Variants in RAP1GAP2 observed in about 807,000 individuals in gnomAD.
RAP1GAP2 encodes RAP1 GTPase activating protein 2.
A neutral mutation model predicts 95.0 loss-of-function variants in RAP1GAP2; 27 were observed. That is an observed-to-expected ratio of 0.28 (90% CI 0.21 to 0.39). The LOEUF (loss-of-function observed/expected upper bound fraction) is 0.39. Ranked by LOEUF, RAP1GAP2 falls within the 10% of genes least tolerant of loss-of-function variation. RAP1GAP2 has a pLI of 1.00. For missense variants in RAP1GAP2, 771 were observed against 970.0 expected (o/e 0.79, Z 2.72); for synonymous variants, 373 against 380.9 (o/e 0.98, Z 0.24).
At chr17:2,970,133 G>T (rs1324718808) in intron 8 of RAP1GAP2, among the ~76,000 whole-genome samples, 1 of 151,766 alleles carries the variant, frequency 6.6e-6, no homozygotes, top group Non-Finnish European at 1.5e-5. Context: ...AATTAGCCGG[G>T]CGTGGTGACA....
intron 3 of RAP1GAP2, among the ~76,000 whole-genome samples, chr17:2,910,860 C>A (rs866026836): frequency 6.6e-6 from 1 of 152,102 alleles, no homozygotes; most frequent in Admixed American, 6.6e-5. Flanking sequence ...CACCACACCC[C>A]GCTAATTTTT....
chr17:3,001,518 CCGGAGAAGGGACAGAAGAAGCAGGGAG>C (rs2046158380), intron 14 of RAP1GAP2, among the ~76,000 whole-genome samples: 1 of 93,016 alleles, frequency 1.1e-5, no homozygotes, highest in African/African-American at 4.7e-5. Context: ...CTTCCTGATG[CCGGAGAAGGGACAGAAGAAGCAGGGAG>C]TGCAGGTCCA....
intron 17 of RAP1GAP2, among the ~76,000 whole-genome samples, chr17:3,012,603 C>A (rs1409633930): frequency 2.8e-5 from 1 of 35,506 alleles, no homozygotes; most frequent in Non-Finnish European, 4.5e-5. Context: ...CAGACTGTGT[C>A]TCAAAAAAAA....
intron 2 of RAP1GAP2, among the ~76,000 whole-genome samples, chr17:2,806,195 A>G (rs1313699797): frequency 6.6e-6 from 1 of 152,082 alleles, no homozygotes; most frequent in Non-Finnish European, 1.5e-5. Flanking sequence ...TTCAGATTTA[A>G]CCAGCTAAGA....
intron 2 of RAP1GAP2, among the ~76,000 whole-genome samples, chr17:2,813,017 A>G (rs2069839798): frequency 6.6e-6 from 1 of 150,846 alleles, no homozygotes; most frequent in African/African-American, 2.4e-5. Context: ...TCTGATGCCC[A>G]GGTTGTACCC....
chr17:2,817,008 G>A lies in RAP1GAP2; in HGVS notation c.80+16458G>A, dbSNP rs1185285180. Among the ~76,000 whole-genome samples the A allele has an allele frequency of 1.9e-4, 13 of 67,182 alleles. 1 individual carries two copies. The highest frequency in any genetic ancestry group is 3.6e-4 in the Admixed American group (2 of 5,552). 44.1% of individuals were successfully genotyped at this position (67,182 alleles called of 152,430 possible). ...TTTTTTTTTTTTTTTTTTTTTTTGA[G>A]ATGGGGTCTTGCTCTGTTGCCCAGG... is the stretch of plus-strand genomic sequence containing the variant. On this transcript the variant is annotated intron_variant, in intron 2 of 24. Coordinates refer to ENST00000254695, the MANE Select transcript of RAP1GAP2 (RefSeq NM_015085.5).
intron 3 of RAP1GAP2, among the ~76,000 whole-genome samples, chr17:2,907,254 A>G (rs2042228436): frequency 6.6e-6 from 1 of 152,140 alleles, no homozygotes; most frequent in Non-Finnish European, 1.5e-5. Context: ...ATAAGAACTG[A>G]GAATGAGGGA....
At chr17:2,791,686 C>T (rs2151464505), upstream of RAP1GAP2, among the ~76,000 whole-genome samples, 1 of 152,176 alleles carries the variant, frequency 6.6e-6, no homozygotes, top group African/African-American at 2.4e-5. Context: ...TCCGCGCTGG[C>T]CCACAGGAGA....
At chr17:2,893,724 G>A (rs1199624487) in intron 2 of RAP1GAP2, among the ~76,000 whole-genome samples, 2 of 152,170 alleles carry the variant, frequency 1.3e-5, no homozygotes, top group African/African-American at 2.4e-5. Context: ...CCCCATGGAG[G>A]CCAGGCAGTG....
intron 19 of RAP1GAP2, among the ~76,000 whole-genome samples, chr17:3,024,862 T>C (rs2047057372): frequency 1.3e-5 from 2 of 152,214 alleles, no homozygotes; most frequent in African/African-American, 4.8e-5. Flanking sequence ...GAGTACAATC[T>C]ACAGTGATGG....
intron 2 of RAP1GAP2, among the ~76,000 whole-genome samples, chr17:2,830,985 CTTCCCTCCA>C (rs2070816697): frequency 1.3e-5 from 1 of 74,872 alleles, no homozygotes; most frequent in Non-Finnish European, 2.7e-5. Flanking sequence ...TTCCCCTACC[CTTCCCTCCA>C]CTTCCCTCCC....
At chr17:2,960,802 A>T (rs564039815) in intron 4 of RAP1GAP2, among the ~76,000 whole-genome samples, 1 of 152,128 alleles carries the variant, frequency 6.6e-6, no homozygotes, top group Non-Finnish European at 1.5e-5. Flanking sequence ...TTCAGAGGGG[A>T]CCTGTTTCTT....
intron 2 of RAP1GAP2, among the ~76,000 whole-genome samples, chr17:2,849,021 T>G (rs1037128643): frequency 2.6e-5 from 4 of 151,992 alleles, no homozygotes; most frequent in Non-Finnish European, 5.9e-5. Flanking sequence ...GGTGTGAGCG[T>G]TCAGCTGTGT....
chr17:2,832,552 C>A (rs1433197414), intron 2 of RAP1GAP2, among the ~76,000 whole-genome samples: 1 of 119,312 alleles, frequency 8.4e-6, no homozygotes, highest in Non-Finnish European at 1.8e-5. Flanking sequence ...AGCGAGACTC[C>A]ATCTCAAAAA....
At chr17:2,951,836 C>T (rs190882119) in intron 3 of RAP1GAP2, among the ~76,000 whole-genome samples, 2 of 152,260 alleles carry the variant, frequency 1.3e-5, no homozygotes, top group African/African-American at 4.8e-5. Flanking sequence ...GAGTTCAAGA[C>T]CAGCCTGGCC....
Position 2,979,460 on chromosome 17 carries a change from G to GTT in RAP1GAP2, c.597-804_597-803dup, listed in dbSNP as rs71153320. Among the ~76,000 whole-genome samples, 436 of 78,602 alleles carry GTT rather than the reference G, an allele frequency of 5.5e-3. 2 individuals carry two copies. The highest frequency in any genetic ancestry group is 8.4e-3 in the East Asian group (25 of 2,968). The allele number at this position is 78,602 out of a possible 152,430, so 51.6% of individuals were successfully genotyped here. On this transcript the variant is annotated intron_variant, in intron 8 of 24. Transcript: ENST00000254695. ...CAGACAGATATATCAGGCGTGTTCT[G>GTT]TTTTTTTTTTTTTTTTTTTTTTTTG...
intron 2 of RAP1GAP2, among the ~76,000 whole-genome samples, chr17:2,822,627 G>GTTTTTTTTTT (rs66503004): frequency 2.0e-4 from 26 of 127,596 alleles, no homozygotes; most frequent in East Asian, 5.3e-4. Flanking sequence ...GTTTTTTTTT[G>GTTTTTTTTTT]TTTTTTTTTT....
rs1055821861 is a variant in RAP1GAP2 at position 2,963,950 on chromosome 17, C to T, written c.374C>T (p.Ser125Leu). 5.0e-6 allele frequency: 8 copies of T among 1,613,082 alleles called. No homozygotes were observed. The African/African-American group carries it at 8.0e-5, about 16-fold the overall frequency. The change falls in exon 7 of 25, where the codon TCG becomes TTG. Residue 125 changes from serine (S) to leucine (L), a missense_variant. By Grantham distance (145) the Ser-to-Leu change is moderately radical. Coordinates refer to ENST00000254695, the MANE Select transcript of RAP1GAP2 (RefSeq NM_015085.5). The surrounding 1 kb of genome is among the most constrained non-coding windows in gnomAD (Gnocchi z 4.8). Reference protein sequence around the residue: ...EDPENVGTPTSLGSSICEEEE... With the variant: ...EDPENVGTPTLLGSSICEEEE... ...CCGGAGAACGTGGGCACCCCAACAT[C>T]GCTGGGGAGCAGCATCTGTGAGGAG...
chr17:3,003,505 C>T lies in RAP1GAP2; in HGVS notation c.1201-1864C>T, dbSNP rs1430207963. ...CGTCACGACTTGTCTGTTGCTCGGA[C>T]GATGCTCTGTGTGCCACCGCGGCTC... On this transcript the variant is annotated intron_variant, in intron 14 of 24. Transcript: ENST00000254695. This position sits in a 1 kb window ranked among gnomAD's most constrained non-coding sequence, Gnocchi z 4.1. Among the ~76,000 whole-genome samples, 1 of 152,092 alleles carries T rather than the reference C, an allele frequency of 6.6e-6. No homozygotes were observed. The highest frequency in any genetic ancestry group is 2.4e-5 in the African/African-American group (1 of 41,404).
Sources: gnomAD v4.1 joint callset for allele counts (sites outside exome capture counted in the v4.1 genomes callset) on GRCh38, gnomAD v4.1.1 for gene constraint, Gnocchi (gnomAD v3.1) non-coding constraint, MANE v1.5 for transcripts, NCBI Gene and HGNC (gene_info 2026-07-23, HGNC 2026-07-21) for gene names.